Variants in RABGAP1L observed in about 807,000 individuals in gnomAD.
RABGAP1L encodes the protein rab GTPase-activating protein 1-like.
In RABGAP1L, 63 loss-of-function variants were observed where a neutral mutation model predicts 137.7. The ratio of observed to expected loss-of-function variants is 0.46; its 90% CI spans 0.37 to 0.56. The LOEUF (loss-of-function observed/expected upper bound fraction) is 0.56. Among genes scored for constraint, RABGAP1L ranks in the 20% least tolerant of loss-of-function variants. The pLI is 0.00. For missense variants in RABGAP1L, 1,095 were observed against 1,244.0 expected, an observed-to-expected ratio of 0.88 and a Z score of 1.80; for synonymous variants, 431 against 433.7, an observed-to-expected ratio of 0.99 and a Z score of 0.08.
chr1:174,946,680 C>A (rs562941887), intron 19 of RABGAP1L, among the ~76,000 whole-genome samples: 1 of 151,896 alleles, frequency 6.6e-6, no homozygotes, highest in East Asian at 1.9e-4. Context: ...GCAGGTGGAT[C>A]ACCTGAGGTC....
At chr1:174,204,697 AG>A (rs1418828594) in intron 1 of RABGAP1L, among the ~76,000 whole-genome samples, 3 of 152,244 alleles carry the variant, frequency 2.0e-5, no homozygotes, top group African/African-American at 7.2e-5. Flanking sequence ...CCCCAGTGTT[AG>A]GGGAGGGACC....
intron 1 of RABGAP1L, among the ~76,000 whole-genome samples, chr1:174,194,682 G>A (rs1207081127): frequency 3.3e-5 from 5 of 152,088 alleles, no homozygotes; most frequent in Non-Finnish European, 5.9e-5. Flanking sequence ...GGGCCGGCAC[G>A]CCTTAGCCAC....
chr1:174,348,849 T>C (rs1323593773), intron 11 of RABGAP1L, among the ~76,000 whole-genome samples: 1 of 152,110 alleles, frequency 6.6e-6, no homozygotes, highest in Non-Finnish European at 1.5e-5. Flanking sequence ...AAGTCTCCCA[T>C]GTCTACCTCT....
At chr1:174,260,187 T>G (rs1157759026) in intron 7 of RABGAP1L, among the ~76,000 whole-genome samples, 1 of 150,990 alleles carries the variant, frequency 6.6e-6, no homozygotes, top group Non-Finnish European at 1.5e-5. Context: ...TAAGTAACTT[T>G]GGTTACTTGG....
At chr1:174,275,292 A>C (rs964945684) in intron 8 of RABGAP1L, 6 of 152,206 alleles carry the variant, frequency 3.9e-5, no homozygotes, top group African/African-American at 1.4e-4. Context: ...AAAGTATATA[A>C]ATATCTGACA....
intron 10 of RABGAP1L, among the ~76,000 whole-genome samples, chr1:174,283,636 A>G (rs1051360845): frequency 3.3e-5 from 5 of 152,080 alleles, no homozygotes; most frequent in Non-Finnish European, 5.9e-5. Flanking sequence ...CCTCCCGAGT[A>G]GCTGGGACTA....
At chr1:174,957,661 C>T (rs905566896) in intron 20 of RABGAP1L, 112 bp downstream of exon 20, 8 of 1,011,660 alleles carry the variant, frequency 7.9e-6, no homozygotes, top group Non-Finnish European at 1.2e-5. Flanking sequence ...AAGCAATCCT[C>T]CCACTCCAGT....
At chr1:174,852,443 CTT>C (rs1437283888) in intron 19 of RABGAP1L, among the ~76,000 whole-genome samples, 2 of 152,122 alleles carry the variant, frequency 1.3e-5, no homozygotes, top group Non-Finnish European at 2.9e-5. Context: ...ACTTCAGGGA[CTT>C]GTTGTAAGCC....
At chr1:174,543,032 A>C (rs1665620013) in intron 13 of RABGAP1L, among the ~76,000 whole-genome samples, 1 of 152,166 alleles carries the variant, frequency 6.6e-6, no homozygotes, top group African/African-American at 2.4e-5. Context: ...TCAATTATGG[A>C]ATAAGGGTGA....
chr1:174,489,502 T>G (rs1660008105), intron 13 of RABGAP1L, among the ~76,000 whole-genome samples: 1 of 151,872 alleles, frequency 6.6e-6, no homozygotes, highest in Non-Finnish European at 1.5e-5. Flanking sequence ...CCAGTTAGAA[T>G]GGCGATCATT....
intron 13 of RABGAP1L, among the ~76,000 whole-genome samples, chr1:174,466,535 C>T (rs1323845669): frequency 6.6e-6 from 1 of 152,106 alleles, no homozygotes; most frequent in Non-Finnish European, 1.5e-5. Flanking sequence ...GCCTGTAATC[C>T]CAGCACTTTG....
intron 12 of RABGAP1L, among the ~76,000 whole-genome samples, chr1:174,375,264 A>C (rs1470976830): frequency 1.3e-5 from 2 of 151,948 alleles, no homozygotes; most frequent in Admixed American, 6.6e-5. Flanking sequence ...AATTCATGGC[A>C]TATTATACTA....
chr1:174,759,635 A>G (rs1397191417), intron 18 of RABGAP1L, among the ~76,000 whole-genome samples: 4 of 152,020 alleles, frequency 2.6e-5, no homozygotes, highest in Non-Finnish European at 5.9e-5. Flanking sequence ...ATTTTGGCTT[A>G]CAGTTCAACA....
intron 13 of RABGAP1L, among the ~76,000 whole-genome samples, chr1:174,630,759 T>G (rs1423848337): frequency 6.8e-6 from 1 of 146,784 alleles, no homozygotes; most frequent in Non-Finnish European, 1.5e-5. Context: ...CATTTTTTAT[T>G]GCATCTATTT....
intron 16 of RABGAP1L, chr1:174,700,430 A>T (rs1258207382): frequency 6.6e-6 from 1 of 152,244 alleles, no homozygotes; most frequent in African/African-American, 2.4e-5. Flanking sequence ...GAAGGGTAAA[A>T]TGGTTGAGGA....
intron 18 of RABGAP1L, among the ~76,000 whole-genome samples, chr1:174,758,454 T>G (rs1173861402): frequency 6.6e-6 from 1 of 151,300 alleles, no homozygotes; most frequent in Non-Finnish European, 1.5e-5. Context: ...CCTCCCACCC[T>G]TTCCCCTTCT....
At chr1:174,665,439 G>A (rs1472550856) in intron 14 of RABGAP1L, among the ~76,000 whole-genome samples, 3 of 49,114 alleles carry the variant, frequency 6.1e-5, no homozygotes, top group Non-Finnish European at 1.2e-4. Context: ...GCCCCGCCCC[G>A]CCCCGCCCCG....
intron 1 of RABGAP1L, among the ~76,000 whole-genome samples, chr1:174,166,379 A>C (rs1434236487): frequency 2.0e-5 from 3 of 152,192 alleles, no homozygotes; most frequent in Non-Finnish European, 4.4e-5. Flanking sequence ...GGTTTAGTTC[A>C]GGCAGAAGGG....
chr1:174,352,142 A>G (rs143026892), intron 11 of RABGAP1L, among the ~76,000 whole-genome samples: 4 of 152,248 alleles, frequency 2.6e-5, no homozygotes, highest in African/African-American at 9.6e-5. Context: ...TTGAATACAC[A>G]TTCTGCAACT....
Sources: allele counts gnomAD v4.1 joint callset (sites outside exome capture counted in the v4.1 genomes callset), GRCh38; gene constraint gnomAD v4.1.1; transcripts MANE v1.5; gene names NCBI Gene and HGNC (gene_info 2026-07-23, HGNC 2026-07-21).